The following RNGTT variants were observed in gnomAD, a reference collection of about 807,000 sequenced individuals.
RNGTT encodes the protein mRNA-capping enzyme.
A neutral mutation model predicts 79.3 loss-of-function variants in RNGTT; 33 were observed. That is an observed-to-expected ratio of 0.42 (90% CI 0.32 to 0.56). The LOEUF (loss-of-function observed/expected upper bound fraction) is 0.56, where lower values mean the gene tolerates loss of function less well. Among genes scored for constraint, RNGTT ranks in the 20% least tolerant of loss-of-function variants. The pLI is 0.17. For synonymous variants in RNGTT, 222 were observed against 235.9 expected (o/e 0.94, Z 0.54); for missense variants, 497 against 739.1 (o/e 0.67, Z 3.80).
intron 13 of RNGTT, among the ~76,000 whole-genome samples, chr6:88,696,782 C>T (rs188155321): frequency 2.0e-5 from 3 of 152,110 alleles, no homozygotes; most frequent in African/African-American, 7.2e-5. Flanking sequence ...AGAAAATTGA[C>T]TATGGAGTTT....
intron 13 of RNGTT, among the ~76,000 whole-genome samples, chr6:88,718,252 T>C (rs1347903147): frequency 6.6e-6 from 1 of 152,092 alleles, no homozygotes; most frequent in African/African-American, 2.4e-5. Context: ...CCGGGCGTAG[T>C]GGCACATGCC....
At chr6:88,817,674 C>G (rs1780358066) in intron 11 of RNGTT, among the ~76,000 whole-genome samples, 2 of 151,136 alleles carry the variant, frequency 1.3e-5, no homozygotes, top group Admixed American at 1.3e-4. Flanking sequence ...TATTCCTTCA[C>G]GTACTTTGCC....
chr6:88,616,339 C>A (rs988356575), intron 14 of RNGTT, among the ~76,000 whole-genome samples: 1 of 152,090 alleles, frequency 6.6e-6, no homozygotes, highest in Non-Finnish European at 1.5e-5. Flanking sequence ...TCTTTGAGAT[C>A]CGGTTTTAAA....
chr6:88,615,793 C>T (rs1772195736), intron 14 of RNGTT, among the ~76,000 whole-genome samples: 1 of 152,090 alleles, frequency 6.6e-6, no homozygotes, highest in African/African-American at 2.4e-5. Context: ...ATTGAAAGTG[C>T]CTGGGACATA....
intron 11 of RNGTT, among the ~76,000 whole-genome samples, chr6:88,841,606 T>C (rs1303484278): frequency 6.6e-6 from 1 of 152,212 alleles, no homozygotes; most frequent in East Asian, 1.9e-4. Flanking sequence ...TATAAAACAC[T>C]GGTTTAGAAA....
At chr6:88,945,139 CCTTTTGGCCACGCTATCCCCATT>C (rs1473163267) in intron 1 of RNGTT, among the ~76,000 whole-genome samples, 1 of 152,162 alleles carries the variant, frequency 6.6e-6, no homozygotes, top group East Asian at 1.9e-4. Flanking sequence ...TCTGATCATT[CCTTTTGGCCACGCTATCCCCATT>C]CTTTTGGCCA....
intron 2 of RNGTT, among the ~76,000 whole-genome samples, chr6:88,937,485 T>A (rs1784703957): frequency 6.6e-6 from 1 of 152,188 alleles, no homozygotes; most frequent in African/African-American, 2.4e-5. Context: ...ATTTGGTTTA[T>A]CCTTTCAAAA....
chr6:88,708,200 G>A (rs1005952529), intron 13 of RNGTT, among the ~76,000 whole-genome samples: 3 of 151,978 alleles, frequency 2.0e-5, no homozygotes, highest in Admixed American at 6.6e-5. Context: ...GGGAAAGGAG[G>A]GATAAAGGCA....
chr6:88,932,789 A>G (rs1784550617), intron 2 of RNGTT, among the ~76,000 whole-genome samples: 1 of 152,208 alleles, frequency 6.6e-6, no homozygotes, highest in African/African-American at 2.4e-5. Flanking sequence ...TTTAAAACCT[A>G]GAATCACAAT....
intron 8 of RNGTT, among the ~76,000 whole-genome samples, chr6:88,856,887 A>G (rs1198904088): frequency 2.6e-5 from 4 of 152,198 alleles, no homozygotes; most frequent in Non-Finnish European, 5.9e-5. Flanking sequence ...ACTATGATGC[A>G]ATATAATTTC....
At chr6:88,665,035 G>T (rs536583509) in intron 14 of RNGTT, among the ~76,000 whole-genome samples, 1 of 152,274 alleles carries the variant, frequency 6.6e-6, no homozygotes, top group African/African-American at 2.4e-5. Flanking sequence ...ACTGCCCCTT[G>T]CCTTTGTTAG....
chr6:88,630,901 T>C (rs1304470832), intron 14 of RNGTT, among the ~76,000 whole-genome samples: 1 of 152,246 alleles, frequency 6.6e-6, no homozygotes, highest in African/African-American at 2.4e-5. Flanking sequence ...CTTTGTTAAA[T>C]TGAGCTTCAA....
At chr6:88,614,182 T>C in intron 15 of RNGTT, 90 bp downstream of exon 15, 1 of 1,261,702 alleles carries the variant, frequency 7.9e-7, no homozygotes. Flanking sequence ...TATGCCCCAT[T>C]AAGCAAAACA....
At chr6:88,794,167 C>T (rs1006210315) in intron 12 of RNGTT, among the ~76,000 whole-genome samples, 29 of 152,050 alleles carry the variant, frequency 1.9e-4, no homozygotes, top group Admixed American at 1.9e-3. Context: ...GTTTGTTTAA[C>T]CAGAGACCAC....
intron 13 of RNGTT, among the ~76,000 whole-genome samples, chr6:88,736,829 T>C (rs1777303335): frequency 6.6e-6 from 1 of 152,184 alleles, no homozygotes; most frequent in East Asian, 1.9e-4. Context: ...CATACAACCA[T>C]CAGGTGGTGA....
intron 14 of RNGTT, among the ~76,000 whole-genome samples, chr6:88,641,435 G>A (rs564113775): frequency 1.4e-4 from 21 of 152,118 alleles, no homozygotes; most frequent in East Asian, 3.9e-4. Flanking sequence ...GATGAGCTCC[G>A]TGCTGTAGAG....
intron 14 of RNGTT, among the ~76,000 whole-genome samples, chr6:88,652,353 A>G (rs1773828888): frequency 6.6e-6 from 1 of 152,198 alleles, no homozygotes; most frequent in Admixed American, 6.5e-5. Flanking sequence ...TTTTATTTAT[A>G]GGCAATTAAT....
chr6:88,630,358 T>C (rs988362568), intron 14 of RNGTT, among the ~76,000 whole-genome samples: 5 of 152,242 alleles, frequency 3.3e-5, no homozygotes, highest in African/African-American at 1.2e-4. Flanking sequence ...ATGTTATCAC[T>C]ATCATTTCCA....
intron 13 of RNGTT, among the ~76,000 whole-genome samples, chr6:88,704,405 G>C (rs1244034264): frequency 2.0e-5 from 3 of 151,652 alleles, no homozygotes; most frequent in African/African-American, 7.3e-5. Context: ...TAAAAGGTAT[G>C]TCATGCAACT....
Sources: allele counts gnomAD v4.1 joint callset (sites outside exome capture counted in the v4.1 genomes callset), GRCh38; gene constraint gnomAD v4.1.1; transcripts MANE v1.5; gene names NCBI Gene and HGNC (gene_info 2026-07-23, HGNC 2026-07-21).